SRCIN1: variants seen among roughly 807,000 people sequenced by gnomAD.
SRCIN1 encodes the protein SRC kinase signaling inhibitor 1.
In SRCIN1, 50 loss-of-function variants were observed where a neutral mutation model predicts 116.2. That is an observed-to-expected ratio of 0.43 (90% confidence interval 0.34 to 0.54). SRCIN1 has a LOEUF of 0.54. SRCIN1 is among the 20% of genes least tolerant of loss of function. The probability of loss-of-function intolerance (pLI) is 0.02; values close to 1 mark genes in which losing one functional copy is unlikely to be tolerated. For synonymous variants in SRCIN1, 736 were observed against 750.0 expected (o/e 0.98, Z 0.30); for missense variants, 1,446 against 1,672.0 (o/e 0.86, Z 2.36).
At chr17:38,593,275 C>T (rs1908537597) in intron 1 of SRCIN1, among the ~76,000 whole-genome samples, 1 of 152,102 alleles carries the variant, frequency 6.6e-6, no homozygotes, top group South Asian at 2.1e-4. Context: ...CTGCTGGGGC[C>T]CCCACCTGGC....
At chr17:38,586,783 A>G (rs1216643397) in intron 1 of SRCIN1, among the ~76,000 whole-genome samples, 1 of 152,228 alleles carries the variant, frequency 6.6e-6, no homozygotes, top group Non-Finnish European at 1.5e-5. Flanking sequence ...ACACAAACCA[A>G]TTTGTGCAGA....
Position 38,585,756 on chromosome 17 carries a change from T to TC in SRCIN1, c.23-6966dup, listed in dbSNP as rs34866304. ...TTTCTGTAAACATTCCTGTGTAATA[T>TC]CCCCCCAAATTGCTAATACCCAGCG... On this transcript the variant is annotated intron_variant, in intron 1 of 18. Transcript: ENST00000617146. This position sits in a 1 kb window ranked among gnomAD's most constrained non-coding sequence, Gnocchi z 4.2. Among the ~76,000 whole-genome samples, 1 of 152,124 alleles carries TC rather than the reference T, an allele frequency of 6.6e-6. No homozygotes were observed. The highest frequency in any genetic ancestry group is 2.4e-5 in the African/African-American group (1 of 41,490).
chr17:38,552,729 G>T lies in SRCIN1; in HGVS notation c.2328C>A (p.Leu776=), dbSNP rs746178336. ...ATTCGCAGGCCCCAGACCCACCCTT[G>T]AGCTCTGTCAGCGTCTCCCCGAGCT... The part of the protein sequence containing the change: ...LKQLGETLTE[L]KAHFPGLQSK... The change falls in exon 12 of 19, where the codon CTC becomes CTA. Residue 776 remains leucine, a synonymous_variant. Coordinates refer to ENST00000617146, the MANE Select transcript of SRCIN1 (RefSeq NM_025248.3). This position sits in a 1 kb window ranked among gnomAD's most constrained non-coding sequence, Gnocchi z 5.3. The T allele has an allele frequency of 1.2e-6, 2 of 1,613,812 alleles. No homozygotes were observed. Among genetic ancestry groups the T allele is most frequent in the Non-Finnish European group, 1.7e-6 (2 of 1,179,856 alleles).
At chr17:38,564,433 A>G in intron 3 of SRCIN1, 120 bp from the exon 4 acceptor site, 1 of 1,024,400 alleles carries the variant, frequency 9.8e-7, no homozygotes, top group East Asian at 2.6e-5. Context: ...CACACAGATT[A>G]CAGACTCCCA....
intron 1 of SRCIN1, among the ~76,000 whole-genome samples, chr17:38,597,134 C>A (rs1908769445): frequency 6.6e-6 from 1 of 152,202 alleles, no homozygotes; most frequent in African/African-American, 2.4e-5. Flanking sequence ...ATTTTCCCAC[C>A]GATTACCTAA....
Position 38,563,370 on chromosome 17 carries a change from G to A in SRCIN1, c.693C>T (p.Leu231=). 1 of 1,581,494 alleles carries A rather than the reference G, an allele frequency of 6.3e-7. No individual in the cohort carries two copies. Among genetic ancestry groups the A allele is most frequent in the Non-Finnish European group, 8.6e-7 (1 of 1,163,100 alleles). The change falls in exon 5 of 19, where the codon CTC becomes CTT. Residue 231 remains leucine (L), a synonymous_variant. Transcript: ENST00000617146. This position sits in a 1 kb window ranked among gnomAD's most constrained non-coding sequence, Gnocchi z 5.8. ...GMLKSPNTAI[L]IKDEARNVFY... ...AGACGTTGCGAGCCTCGTCTTTGAT[G>A]AGGATGGCGGTATTGGGCGACTTAA...
At position 38,563,570 on chromosome 17, in the gene SRCIN1, GC is replaced by G; in HGVS notation, c.542-50del. The G allele has an allele frequency of 6.5e-7, 1 of 1,537,682 alleles. No individual in the cohort carries two copies. The highest frequency in any genetic ancestry group is 2.4e-5 in the East Asian group (1 of 40,886). On this transcript the variant is annotated intron_variant, in intron 4 of 18. Coordinates refer to ENST00000617146, the MANE Select transcript of SRCIN1 (RefSeq NM_025248.3). The surrounding 1 kb of genome is among the most constrained non-coding windows in gnomAD (Gnocchi z 5.8). ...CTGTCACTGCTGCCGTCTCCACGCC[GC>G]CCTCCAGGAGAGCGCGGGGAGCTTT...
chr17:38,580,348 G>C (rs8073178), intron 1 of SRCIN1, among the ~76,000 whole-genome samples: 19,942 of 152,078 alleles, frequency 0.13, 4,157 homozygotes, highest in African/African-American at 0.44. Flanking sequence ...GTCCATTAGG[G>C]GCACAGAGCC....
At chr17:38,584,736 C>T (rs1456962588) in intron 1 of SRCIN1, among the ~76,000 whole-genome samples, 2 of 152,182 alleles carry the variant, frequency 1.3e-5, no homozygotes, top group Admixed American at 6.5e-5. Context: ...GCCACCAAGC[C>T]GGTCCCCAAC....
chr17:38,587,818 C>T (rs756822212), intron 1 of SRCIN1, among the ~76,000 whole-genome samples: 1 of 152,126 alleles, frequency 6.6e-6, no homozygotes, highest in Non-Finnish European at 1.5e-5. Flanking sequence ...AAATCAGGGT[C>T]CCCGCAGGGC....
chr17:38,564,286 C>A lies in SRCIN1; in HGVS notation c.373G>T (p.Ala125Ser). 6.4e-7 allele frequency: 1 copy of A among 1,568,242 alleles called. No individual in the cohort carries two copies. Among genetic ancestry groups the A allele is most frequent in the African/African-American group, 1.3e-5 (1 of 74,112 alleles). Residue 125 changes from alanine (A) to serine (S), a missense_variant, in exon 4 of 19, where the codon GCC (alanine) becomes TCC (serine). This residue lies in a region of SRCIN1 where 246 missense variants were observed against 265.1 expected (regional missense o/e 0.93). Transcript: ENST00000617146. ...GCCTGGTCTGCCAGCCCGGGCTGGG[C>A]TCCCTGAGTGTGGCGTGAGCTGCGG... The part of the protein sequence containing the change: ...KTRSSRHTQG[A>S]QPGLADQAAK...
At chr17:38,587,764 T>A (rs1036239239) in intron 1 of SRCIN1, among the ~76,000 whole-genome samples, 1 of 152,090 alleles carries the variant, frequency 6.6e-6, no homozygotes, top group African/African-American at 2.4e-5. Context: ...CTGGGGTCCA[T>A]GGCCCAGTGA....
At chr17:38,546,225 A>G (rs1905063678) in intron 17 of SRCIN1, among the ~76,000 whole-genome samples, 1 of 152,102 alleles carries the variant, frequency 6.6e-6, no homozygotes, top group Non-Finnish European at 1.5e-5. Flanking sequence ...TTCAGTGCCT[A>G]CCTTAACCCG....
Position 38,538,428 on chromosome 17 carries a change from A to T in SRCIN1, c.3418-4997T>A, listed in dbSNP as rs989785914. On this transcript the variant is annotated intron_variant, in intron 18 of 18. Coordinates refer to ENST00000617146, the MANE Select transcript of SRCIN1 (RefSeq NM_025248.3). ...TGAGACTCCGTCTCAAAAAAAAAAA[A>T]AAAAATAATAATAATAATAATAAAA... 1.1e-3 allele frequency among the ~76,000 whole-genome samples: 156 copies of T among 148,446 alleles called. 2 individuals carry two copies. Among genetic ancestry groups the T allele is most frequent in the African/African-American group, 3.2e-3 (129 of 40,344 alleles).
At chr17:38,594,737 C>T (rs1908630542) in intron 1 of SRCIN1, among the ~76,000 whole-genome samples, 1 of 152,184 alleles carries the variant, frequency 6.6e-6, no homozygotes, top group Non-Finnish European at 1.5e-5. Flanking sequence ...CGTCCAGGCT[C>T]ACACAGCTAG....
chr17:38,536,240 G>A (rs1433452645), intron 18 of SRCIN1, among the ~76,000 whole-genome samples: 4 of 152,244 alleles, frequency 2.6e-5, no homozygotes, highest in Non-Finnish European at 2.9e-5. Flanking sequence ...CTCTCCTGAA[G>A]TTGAGGGAGC....
At chr17:38,541,010 C>G (rs909897050) in intron 18 of SRCIN1, among the ~76,000 whole-genome samples, 1 of 151,912 alleles carries the variant, frequency 6.6e-6, no homozygotes, top group African/African-American at 2.4e-5. Flanking sequence ...AAGGCTGAGG[C>G]GGGTGGATCA....
chr17:38,565,916 C>T (rs1196375900), intron 3 of SRCIN1, among the ~76,000 whole-genome samples: 3 of 152,114 alleles, frequency 2.0e-5, no homozygotes, highest in East Asian at 1.9e-4. Context: ...TGCTTGTGAC[C>T]GAGAGGCTAT....
intron 14 of SRCIN1, chr17:38,551,664 C>T: frequency 4.2e-6 from 3 of 719,134 alleles, no homozygotes; most frequent in Non-Finnish European, 6.8e-6. Context: ...TATTCTTGGG[C>T]AAACATCATA....
Sources: gnomAD v4.1 joint callset for allele counts (sites outside exome capture counted in the v4.1 genomes callset) on GRCh38, gnomAD v4.1.1 for gene constraint, gnomAD v4.1.1 regional missense constraint, Gnocchi (gnomAD v3.1) non-coding constraint, MANE v1.5 for transcripts, NCBI Gene and HGNC (gene_info 2026-07-23, HGNC 2026-07-21) for gene names.